Variants in ATP7B observed in about 807,000 individuals in gnomAD.
ATP7B encodes the protein copper-transporting ATPase 2.
A neutral mutation model predicts 118.9 loss-of-function variants in ATP7B; 113 were observed. That is an observed-to-expected ratio of 0.95 (90% CI 0.82 to 1.11). ATP7B has a LOEUF of 1.11. Among genes scored for constraint, ATP7B ranks in the 50% most tolerant of loss-of-function variants. The pLI is 0.00. For missense variants in ATP7B, 1,867 were observed against 1,871.4 expected (o/e 1.00, Z 0.04); for synonymous variants, 777 against 727.4 (o/e 1.07, Z -1.10).
chr13:51,980,208 C>T (rs569740215), intron 1 of ATP7B, among the ~76,000 whole-genome samples: 1 of 152,288 alleles, frequency 6.6e-6, no homozygotes, highest in Non-Finnish European at 1.5e-5. Flanking sequence ...CCCAGAAAGC[C>T]TTGTGAAAGC....
chr13:51,943,283 C>A (rs866971864), intron 14 of ATP7B, among the ~76,000 whole-genome samples: 1 of 152,118 alleles, frequency 6.6e-6, no homozygotes, highest in Middle Eastern at 3.2e-3. Flanking sequence ...CCCTTCTAAG[C>A]GGTTTTCCAG....
intron 3 of ATP7B, among the ~76,000 whole-genome samples, chr13:51,968,856 CTTTTTTCTTTTTTTT>C (rs1276689700): frequency 7.3e-6 from 1 of 137,570 alleles, no homozygotes; most frequent in East Asian, 2.2e-4. Flanking sequence ...ATCTTTTTTT[CTTTTTTCTTTTTTTT>C]TTTTTTTTGA....
chr13:51,967,870 T>C (rs1835308644), intron 4 of ATP7B, among the ~76,000 whole-genome samples: 1 of 151,964 alleles, frequency 6.6e-6, no homozygotes, highest in Non-Finnish European at 1.5e-5. Context: ...TTTTCAATAA[T>C]GTGTTGGCAC....
chr13:51,999,521 G>A lies in ATP7B; in HGVS notation c.51+11766C>T, dbSNP rs530306846. Reference sequence around the variant, plus strand: ...AACGATTATGATAGTTCTAAATTACGAAGAGATGGGATGGCCAAAAAGAGA... The same window carrying A: ...AACGATTATGATAGTTCTAAATTACAAAGAGATGGGATGGCCAAAAAGAGA... On this transcript the variant is annotated intron_variant, in intron 1 of 20. Transcript: ENST00000242839. 2.0e-5 allele frequency among the ~76,000 whole-genome samples: 3 copies of A among 152,276 alleles called. No homozygotes were observed. In the South Asian group the frequency reaches 6.2e-4, roughly 32 times the overall value.
chr13:51,947,414 T>C (rs894492345), intron 12 of ATP7B, among the ~76,000 whole-genome samples: 2 of 152,228 alleles, frequency 1.3e-5, no homozygotes, highest in African/African-American at 4.8e-5. Context: ...TTGGTATTAT[T>C]TGCATTCTGA....
At chr13:51,943,925 T>C (rs958888175) in intron 14 of ATP7B, among the ~76,000 whole-genome samples, 184 bp downstream of exon 14, 4 of 151,908 alleles carry the variant, frequency 2.6e-5, no homozygotes, top group African/African-American at 9.7e-5. Flanking sequence ...CCCTTTGTGA[T>C]AACCTGGAAC....
rs1956801147 is a variant in ATP7B, at chr13:51,933,456, A to G, written c.*1300T>C. ...TCACTAAAACTATTTTGTGTGGGAG[A>G]AAAGGGTTTCACCCAGAATTTAATC... On this transcript the variant is annotated 3_prime_UTR_variant, in exon 21 of 21. Coordinates refer to ENST00000242839, the MANE Select transcript of ATP7B (RefSeq NM_000053.4). 6.6e-6 allele frequency: 1 copy of G among 152,230 alleles called. No individual in the cohort carries two copies. Among genetic ancestry groups the G allele is most frequent in the Non-Finnish European group, 1.5e-5 (1 of 68,054 alleles). The allele number at this position is 152,230 out of a possible 1,614,324, so 9.4% of individuals were successfully genotyped here.
At chr13:51,948,679 G>C (rs7139967) in intron 12 of ATP7B, among the ~76,000 whole-genome samples, 81,295 of 151,856 alleles carry the variant, frequency 0.54, 21,992 homozygotes, top group Middle Eastern at 0.62. Flanking sequence ...TGTCACAGCT[G>C]CCAACTGAGA....
chr13:52,006,556 C>A (rs1953781606), intron 1 of ATP7B, among the ~76,000 whole-genome samples: 1 of 152,214 alleles, frequency 6.6e-6, no homozygotes, highest in Admixed American at 6.5e-5. Context: ...TGGGGACGAT[C>A]ATTTCCAACA....
chr13:51,944,890 C>T (rs1466166189), intron 13 of ATP7B, among the ~76,000 whole-genome samples: 9 of 152,196 alleles, frequency 5.9e-5, no homozygotes, highest in Non-Finnish European at 1.3e-4. Context: ...ATTCAGGTAC[C>T]TGCACTTCCA....
chr13:51,935,449 A>G (rs1593636735), intron 20 of ATP7B, 144 bp downstream of exon 20: 1 of 906,650 alleles, frequency 1.1e-6, no homozygotes, highest in Non-Finnish European at 1.8e-6. Context: ...ATGCATGCAC[A>G]CCAGGCTCCA....
At chr13:52,002,686 T>A (rs1006570767) in intron 1 of ATP7B, among the ~76,000 whole-genome samples, 1 of 132,118 alleles carries the variant, frequency 7.6e-6, no homozygotes, top group East Asian at 2.4e-4. Flanking sequence ...GGATCTAAGC[T>A]CAAATACAGG....
intron 3 of ATP7B, 23 bp downstream of exon 3, chr13:51,970,469 C>T: frequency 6.2e-7 from 1 of 1,614,100 alleles, no homozygotes; most frequent in Middle Eastern, 1.7e-4. Flanking sequence ...TTCCTAAGTT[C>T]AACATGGGCG....
In ATP7B at chr13:51,974,558, G is replaced by T. The variant is rs766929915; in HGVS notation, c.662C>A (p.Pro221Gln). The T allele has an allele frequency of 3.7e-5, 60 of 1,613,992 alleles. No homozygotes were observed. The South Asian group carries it at 6.1e-4, about 17-fold the overall frequency. Residue 221 changes from proline (P) to glutamine (Q), a missense_variant, in exon 2 of 21, where the codon CCA (proline) becomes CAA (glutamine). Pro to Gln is a moderately conservative substitution (Grantham distance 76, BLOSUM62 -1). Transcript: ENST00000242839. ...KSKVAPLSLG[P>Q]IDIERLQSTN... ...GCTTTGTAACCGCTCAATATCAATT[G>T]GTCCCAGGCTTAAGGGAGCCACTTT...
rs2138407679 is a variant in ATP7B, at chr13:51,934,960, G to A, written c.4194C>T (p.Ser1398=). The change falls in exon 21 of 21, where the codon TCC becomes TCT. Residue 1398 remains serine (S), a synonymous_variant. Coordinates refer to ENST00000242839, the MANE Select transcript of ATP7B (RefSeq NM_000053.4). The part of the protein sequence containing the change: ...AHGHMKPLTA[S]QVSVHIGMDD... ...CCATGCCTATGTGCACACTGACCTG[G>A]GATGCCGTCAGGGGCTTCATGTGGC... 4 of 1,614,074 alleles carry A rather than the reference G, an allele frequency of 2.5e-6. No homozygotes were observed. Among genetic ancestry groups the A allele is most frequent in the Non-Finnish European group, 2.5e-6 (3 of 1,180,028 alleles).
At chr13:51,956,183 C>T (rs1227802812) in intron 9 of ATP7B, among the ~76,000 whole-genome samples, 5 of 152,178 alleles carry the variant, frequency 3.3e-5, no homozygotes, top group African/African-American at 1.2e-4. Context: ...CCAGTGCCAC[C>T]GCGCAGCAGC....
At chr13:51,967,025 T>G in intron 4 of ATP7B, 1 of 1,612,046 alleles carries the variant, frequency 6.2e-7, no homozygotes, top group Non-Finnish European at 8.5e-7. Context: ...GGTGCATTGG[T>G]TCAGCATCAG....
chr13:51,982,330 G>A (rs1952461793), intron 1 of ATP7B, among the ~76,000 whole-genome samples: 1 of 152,164 alleles, frequency 6.6e-6, no homozygotes, highest in African/African-American at 2.4e-5. Context: ...AGAGTTTTAA[G>A]TATGAATTCC....
chr13:51,973,801 A>C, intron 2 of ATP7B, 134 bp downstream of exon 2: 1 of 1,317,178 alleles, frequency 7.6e-7, no homozygotes, highest in East Asian at 2.3e-5. Context: ...CATGCAAGGA[A>C]AGTTTGCAGG....
Sources: allele counts gnomAD v4.1 joint callset (sites outside exome capture counted in the v4.1 genomes callset), GRCh38; gene constraint gnomAD v4.1.1; transcripts MANE v1.5; gene names NCBI Gene and HGNC (gene_info 2026-07-23, HGNC 2026-07-21).